SLC6A5: variants seen among roughly 807,000 people sequenced by gnomAD.
The protein encoded by SLC6A5 is solute carrier family 6 member 5.
In SLC6A5, 58 loss-of-function variants were observed where a neutral mutation model predicts 90.5. The observed-to-expected ratio is 0.64, with a 90% CI of 0.52 to 0.80. The LOEUF is 0.80. Among genes scored for constraint, SLC6A5 ranks in the 30% least tolerant of loss-of-function variants. The pLI is 0.00. For synonymous variants in SLC6A5, 427 were observed against 401.4 expected, an observed-to-expected ratio of 1.06 and a Z score of -0.76; for missense variants, 1,015 against 1,017.6, an observed-to-expected ratio of 1.00 and a Z score of 0.03.
At chr11:20,606,497 A>G (rs367919595) in intron 3 of SLC6A5, among the ~76,000 whole-genome samples, 10 of 152,202 alleles carry the variant, frequency 6.6e-5, no homozygotes, top group Non-Finnish European at 8.8e-5. Context: ...GTATTCCCCA[A>G]TGGCTGTCTG....
In SLC6A5 at chr11:20,625,856, G is replaced by T. The variant is rs1250970777; in HGVS notation, c.1261-852G>T. ...ACGTCTTAGTAGACGCCCAGGTTGG[G>T]CACAATGCCCTTCCCTGAACTTCCA... On this transcript the variant is annotated intron_variant, in intron 7 of 15. Transcript: ENST00000525748. Among the ~76,000 whole-genome samples, 2 of 152,156 alleles carry T rather than the reference G, an allele frequency of 1.3e-5. 1 individual carries two copies. The highest frequency in any genetic ancestry group is 1.3e-4 in the Admixed American group (2 of 15,284).
intron 8 of SLC6A5, among the ~76,000 whole-genome samples, 158 bp downstream of exon 8, chr11:20,627,000 G>A (rs957175699): frequency 1.3e-5 from 2 of 152,174 alleles, no homozygotes; most frequent in Non-Finnish European, 1.5e-5. Context: ...AATATTTAAT[G>A]AGAAGTGGAC....
chr11:20,607,459 T>C lies in SLC6A5; in HGVS notation c.812-20T>C, dbSNP rs757146180. ...TAGCATTTAAGATGGAATGAACCCC[T>C]GGAATTTTTGCTTCTGCAGGCTGTG... On this transcript the variant is annotated intron_variant, in intron 4 of 15. Transcript: ENST00000525748. The C allele has an allele frequency of 1.1e-5, 17 of 1,613,924 alleles. No homozygotes were observed. In the East Asian group the frequency reaches 3.8e-4, roughly 36 times the overall value.
chr11:20,636,277 G>A, intron 10 of SLC6A5, 30 bp from the exon 11 acceptor site: 3 of 1,400,106 alleles, frequency 2.1e-6, no homozygotes, highest in Non-Finnish European at 3.0e-6. Context: ...AGTAGGGCCT[G>A]CCTGCAATCA....
At chr11:20,624,633 G>A (rs1191038157) in intron 7 of SLC6A5, among the ~76,000 whole-genome samples, 4 of 152,164 alleles carry the variant, frequency 2.6e-5, no homozygotes, top group African/African-American at 4.8e-5. Flanking sequence ...ATGGGGGCAG[G>A]TATTCCAGTT....
At chr11:20,624,888 C>A (rs1488065251) in intron 7 of SLC6A5, among the ~76,000 whole-genome samples, 2 of 152,212 alleles carry the variant, frequency 1.3e-5, no homozygotes, top group African/African-American at 4.8e-5. Flanking sequence ...TGCCCTGGGC[C>A]TGTTCCACTT....
chr11:20,646,458 A>T (rs1206129136), intron 13 of SLC6A5, among the ~76,000 whole-genome samples: 1 of 152,184 alleles, frequency 6.6e-6, no homozygotes, highest in African/African-American at 2.4e-5. Context: ...TATTGACCAC[A>T]GTCTTCACTG....
Position 20,654,214 on chromosome 11 carries a change from G to T in SLC6A5, c.2239-499G>T, listed in dbSNP as rs1373786744. Among the ~76,000 whole-genome samples the T allele has an allele frequency of 6.6e-5, 10 of 152,062 alleles. No individual in the cohort carries two copies. In the East Asian group the frequency reaches 1.5e-3, roughly 23 times the overall value. ...TCTTGGCGATGTATCTTTGGGGTTG[G>T]ATTTTTTTTTTCCTCCGGTCATTTA... On this transcript the variant is annotated intron_variant, in intron 15 of 15. Coordinates refer to ENST00000525748, the MANE Select transcript of SLC6A5 (RefSeq NM_004211.5).
At chr11:20,625,221 A>G (rs72931498) in intron 7 of SLC6A5, among the ~76,000 whole-genome samples, 18,340 of 152,168 alleles carry the variant, frequency 0.12, 1,366 homozygotes, top group Non-Finnish European at 0.17. Context: ...ACCATGTTCA[A>G]CTAACCCCCA....
chr11:20,652,596 T>G (rs1853563778), intron 15 of SLC6A5, 140 bp downstream of exon 15: 9 of 875,868 alleles, frequency 1.0e-5, no homozygotes, highest in Non-Finnish European at 1.7e-5. Flanking sequence ...TGCCACCGTT[T>G]CTGTTAAACC....
chr11:20,603,015 A>C (rs181356920), intron 2 of SLC6A5, among the ~76,000 whole-genome samples: 13 of 152,200 alleles, frequency 8.5e-5, no homozygotes, highest in African/African-American at 3.1e-4. Context: ...GTGTGGGAGG[A>C]TTAGAGGGAG....
intron 14 of SLC6A5, among the ~76,000 whole-genome samples, chr11:20,647,388 GTTATATATA>G (rs2133819896): frequency 1.0e-5 from 1 of 97,802 alleles, no homozygotes; most frequent in South Asian, 3.6e-4. Flanking sequence ...CTATTATATA[GTTATATATA>G]TTCCTATTAT....
rs1853621886 is a variant in SLC6A5 at position 20,655,230 on chromosome 11, G to C, written c.*362G>C. On this transcript the variant is annotated 3_prime_UTR_variant, in exon 16 of 16. Transcript: ENST00000525748. ...TGATGGCATGGGGGGTGCCAGTAAGGCATGTATAGAGTGGCCGAATTACAA... is the reference window on the plus strand; with the variant it reads ...TGATGGCATGGGGGGTGCCAGTAAGCCATGTATAGAGTGGCCGAATTACAA... 2.8e-6 allele frequency: 1 copy of C among 355,264 alleles called. No homozygotes were observed. Among genetic ancestry groups the C allele is most frequent in the Non-Finnish European group, 5.5e-6 (1 of 181,736 alleles). The allele number at this position is 355,264 out of a possible 1,614,324, so 22.0% of individuals were successfully genotyped here.
At chr11:20,632,083 T>C (rs1214170946) in intron 10 of SLC6A5, among the ~76,000 whole-genome samples, 4 of 152,232 alleles carry the variant, frequency 2.6e-5, no homozygotes, top group African/African-American at 9.6e-5. Context: ...CTCTCCCTGG[T>C]TGAGAATTCT....
chr11:20,605,151 T>C (rs1273915393), intron 3 of SLC6A5, among the ~76,000 whole-genome samples: 1 of 152,110 alleles, frequency 6.6e-6, no homozygotes, highest in Admixed American at 6.5e-5. Context: ...ACGATCCCTC[T>C]GGCCCTCCCA....
intron 2 of SLC6A5, among the ~76,000 whole-genome samples, chr11:20,603,798 G>A (rs1418452831): frequency 2.6e-5 from 4 of 152,100 alleles, no homozygotes; most frequent in East Asian, 3.9e-4. Flanking sequence ...AGGAAGAAAT[G>A]GCTGAGGAGG....
At chr11:20,629,739 T>G (rs1853071607) in intron 9 of SLC6A5, among the ~76,000 whole-genome samples, 3 of 151,990 alleles carry the variant, frequency 2.0e-5, no homozygotes, top group Admixed American at 1.3e-4. Flanking sequence ...GATTTTTTTT[T>G]TTTTTTTTGA....
chr11:20,643,054 CTCCTCT>C, intron 13 of SLC6A5, among the ~76,000 whole-genome samples: 1 of 152,306 alleles, frequency 6.6e-6, no homozygotes, highest in East Asian at 1.9e-4. Context: ...CCATGACCCC[CTCCTCT>C]TACAGGAGGC....
chr11:20,646,346 T>C (rs531319125), intron 13 of SLC6A5, among the ~76,000 whole-genome samples: 1 of 152,294 alleles, frequency 6.6e-6, no homozygotes, highest in Non-Finnish European at 1.5e-5. Flanking sequence ...GGCACAAAGA[T>C]AAATGACTCA....
Sources: gnomAD v4.1 joint callset for allele counts (sites outside exome capture counted in the v4.1 genomes callset) on GRCh38, gnomAD v4.1.1 for gene constraint, MANE v1.5 for transcripts, NCBI Gene and HGNC (gene_info 2026-07-23, HGNC 2026-07-21) for gene names.